Variants in UGGT2 observed in about 807,000 individuals in gnomAD.
UGGT2 encodes UDP-glucose:glycoprotein glucosyltransferase 2.
A neutral mutation model predicts 192.1 loss-of-function variants in UGGT2; 180 were observed. That is an observed-to-expected ratio of 0.94 (90% confidence interval 0.83 to 1.06). The LOEUF (loss-of-function observed/expected upper bound fraction) is 1.06, where lower values mean the gene tolerates loss of function less well. UGGT2 is among the 50% of genes least tolerant of loss of function. The pLI is 0.00. For synonymous variants in UGGT2, 580 were observed against 591.0 expected (o/e 0.98, Z 0.27); for missense variants, 1,849 against 1,795.7 (o/e 1.03, Z -0.54).
At position 95,895,190 on chromosome 13, in the gene UGGT2, T is replaced by C. The variant is rs776209873; in HGVS notation, c.2749A>G (p.Asn917Asp). 5.1e-6 allele frequency: 8 copies of C among 1,583,182 alleles called. No individual in the cohort carries two copies. The highest frequency in any genetic ancestry group is 6.8e-6 in the Non-Finnish European group (8 of 1,172,342). Residue 917 changes from asparagine (N) to aspartate (D), a missense_variant, in exon 23 of 39, where the codon AAC becomes GAC. Physicochemically the swap from Asn to Asp is conservative, Grantham distance 23. Transcript: ENST00000376747. ...AACTTATATACTCACTTATTTGCGTTGATTCCCATATTTTCAACAATGCCT... is the reference window on the plus strand; with the variant it reads ...AACTTATATACTCACTTATTTGCGTCGATTCCCATATTTTCAACAATGCCT... ...IKGIVENMGI[N>D]ANNMSDFIMK...
intron 20 of UGGT2, among the ~76,000 whole-genome samples, 159 bp downstream of exon 20, chr13:95,925,521 C>A (rs560235001): frequency 7.9e-5 from 12 of 152,200 alleles, no homozygotes; most frequent in African/African-American, 2.9e-4. Context: ...TTTTCCTGAG[C>A]AAAGTTACCT....
chr13:95,939,376 C>T (rs114218619), intron 16 of UGGT2, among the ~76,000 whole-genome samples: 4 of 151,990 alleles, frequency 2.6e-5, no homozygotes, highest in East Asian at 1.9e-4. Context: ...CAATGTGTTG[C>T]GTATTTGGTG....
At chr13:95,811,954 T>C (rs1344143608) in intron 38 of UGGT2, among the ~76,000 whole-genome samples, 1 of 152,020 alleles carries the variant, frequency 6.6e-6, no homozygotes, top group Admixed American at 6.6e-5. Flanking sequence ...AAAAAAGGCA[T>C]AGGGAGCACA....
intron 12 of UGGT2, among the ~76,000 whole-genome samples, chr13:95,954,603 T>A (rs372747630): frequency 6.6e-6 from 1 of 152,332 alleles, no homozygotes; most frequent in South Asian, 2.1e-4. Context: ...TGATTCCAGA[T>A]AACAACTCAG....
rs966034091 is a variant in UGGT2 at position 95,940,023 on chromosome 13, A to G, written c.1746T>C (p.Asn582=). ...CCCAAATATTAGCATGAGGAAATGT[A>G]TTTTGGAGAACACTCTTCACATTGT... ...TVDNVKSVLQ[N]TFPHANIWDI... is the part of the protein sequence containing the mutation. Residue 582 remains asparagine (N), a synonymous_variant, in exon 16 of 39, where the codon AAT becomes AAC. Coordinates refer to ENST00000376747, the MANE Select transcript of UGGT2 (RefSeq NM_020121.4). The G allele has an allele frequency of 6.2e-7, 1 of 1,600,220 alleles. No individual in the cohort carries two copies. Among genetic ancestry groups the G allele is most frequent in the Non-Finnish European group, 8.5e-7 (1 of 1,174,178 alleles).
At chr13:95,840,602 G>C (rs1887760056) in intron 36 of UGGT2, among the ~76,000 whole-genome samples, 2 of 152,118 alleles carry the variant, frequency 1.3e-5, no homozygotes, top group African/African-American at 4.8e-5. Context: ...CACTGCTGGT[G>C]GGAGTGTACA....
At chr13:95,936,799 AATCACTATGAAAT>A in intron 17 of UGGT2, 112 bp downstream of exon 17, 1 of 971,604 alleles carries the variant, frequency 1.0e-6, no homozygotes, top group East Asian at 2.9e-5. Context: ...TCATTTTAAA[AATCACTATGAAAT>A]GATCAGAATG....
chr13:95,869,762 G>A (rs937933260), intron 29 of UGGT2, among the ~76,000 whole-genome samples: 2 of 152,142 alleles, frequency 1.3e-5, no homozygotes, highest in Non-Finnish European at 2.9e-5. Flanking sequence ...GCAGTCAGAG[G>A]AAATGGACTT....
intron 20 of UGGT2, among the ~76,000 whole-genome samples, chr13:95,914,017 G>A (rs988540371): frequency 3.3e-5 from 5 of 152,112 alleles, no homozygotes; most frequent in Non-Finnish European, 5.9e-5. Flanking sequence ...CTCACTCATA[G>A]GTGGGAATTG....
intron 20 of UGGT2, among the ~76,000 whole-genome samples, chr13:95,909,180 C>T (rs1380296168): frequency 3.9e-5 from 6 of 152,092 alleles, no homozygotes; most frequent in Admixed American, 2.6e-4. Context: ...AGCCAGTTTT[C>T]CCAGCACCAT....
At chr13:95,952,338 C>G (rs2050091373) in intron 12 of UGGT2, among the ~76,000 whole-genome samples, 1 of 152,050 alleles carries the variant, frequency 6.6e-6, no homozygotes, top group Admixed American at 6.5e-5. Flanking sequence ...ATACCCACCC[C>G]CTAGTATCTG....
intron 15 of UGGT2, among the ~76,000 whole-genome samples, chr13:95,944,087 T>C (rs2049784097): frequency 6.6e-6 from 1 of 152,014 alleles, no homozygotes; most frequent in Admixed American, 6.6e-5. Context: ...CTTTTATTCA[T>C]TAGATAATCT....
At chr13:95,957,961 A>G (rs1234892205) in intron 12 of UGGT2, among the ~76,000 whole-genome samples, 1 of 152,228 alleles carries the variant, frequency 6.6e-6, no homozygotes. Context: ...AATCTAGCCA[A>G]TGAAAGAATA....
chr13:95,931,522 G>C (rs1223384215), intron 17 of UGGT2, among the ~76,000 whole-genome samples: 1 of 141,792 alleles, frequency 7.1e-6, no homozygotes, highest in African/African-American at 2.5e-5. Flanking sequence ...GGCTGCGCAA[G>C]ACCCCACGGT....
At chr13:95,954,285 C>A (rs928218579) in intron 12 of UGGT2, among the ~76,000 whole-genome samples, 3 of 152,154 alleles carry the variant, frequency 2.0e-5, no homozygotes, top group African/African-American at 7.2e-5. Flanking sequence ...CTATGCCCCA[C>A]AACAATCTGA....
intron 37 of UGGT2, among the ~76,000 whole-genome samples, chr13:95,836,042 T>C (rs530587655): frequency 6.8e-6 from 1 of 146,660 alleles, no homozygotes; most frequent in Non-Finnish European, 1.5e-5. Flanking sequence ...CTCTCAGCCC[T>C]TTTTTTTTGT....
At chr13:96,007,682 AAC>A (rs1262220010) in intron 5 of UGGT2, among the ~76,000 whole-genome samples, 1 of 152,176 alleles carries the variant, frequency 6.6e-6, no homozygotes, top group African/African-American at 2.4e-5. Flanking sequence ...AAAATGTTAC[AAC>A]AGTTACAAAT....
intron 12 of UGGT2, among the ~76,000 whole-genome samples, chr13:95,960,341 C>G (rs2050348274): frequency 6.6e-6 from 1 of 152,072 alleles, no homozygotes; most frequent in South Asian, 2.1e-4. Flanking sequence ...CCAAAAATAT[C>G]AGAAAAACAA....
At chr13:95,997,813 A>G (rs2051673962) in intron 6 of UGGT2, among the ~76,000 whole-genome samples, 1 of 152,198 alleles carries the variant, frequency 6.6e-6, no homozygotes, top group Non-Finnish European at 1.5e-5. Context: ...TATTCTAAAT[A>G]GTAAGTAGTT....
Sources: gnomAD v4.1 joint callset for allele counts (sites outside exome capture counted in the v4.1 genomes callset) on GRCh38, gnomAD v4.1.1 for gene constraint, MANE v1.5 for transcripts, NCBI Gene and HGNC (gene_info 2026-07-23, HGNC 2026-07-21) for gene names.